Variants in MSRA observed in about 807,000 individuals in gnomAD.
MSRA encodes methionine sulfoxide reductase A, also known as mitochondrial peptide methionine sulfoxide reductase.
In MSRA, 54 loss-of-function variants were observed where a neutral mutation model predicts 31.3. The ratio of observed to expected loss-of-function variants is 1.73; its 90% CI spans 1.39 to 2.17. The LOEUF (loss-of-function observed/expected upper bound fraction) is 2.17, where lower values mean the gene tolerates loss of function less well. Among genes scored for constraint, MSRA ranks in the 30% most tolerant of loss-of-function variants. The pLI, the probability that MSRA is intolerant of heterozygous loss-of-function variation, is 0.00. For synonymous variants in MSRA, 169 were observed against 116.5 expected, an observed-to-expected ratio of 1.45 and a Z score of -2.90; for missense variants, 507 against 300.9, an observed-to-expected ratio of 1.69 and a Z score of -5.07.
At chr8:10,403,599 C>T (rs563495081) in intron 5 of MSRA, among the ~76,000 whole-genome samples, 1 of 152,382 alleles carries the variant, frequency 6.6e-6, no homozygotes, top group African/African-American at 2.4e-5. Flanking sequence ...TGGGGAAAAG[C>T]ATTCCCCAAC....
At chr8:10,130,957 G>C (rs1016725535) in intron 1 of MSRA, among the ~76,000 whole-genome samples, 1 of 152,172 alleles carries the variant, frequency 6.6e-6, no homozygotes, top group African/African-American at 2.4e-5. Context: ...AATCCTCAGT[G>C]TGCTTTTATT....
intron 1 of MSRA, among the ~76,000 whole-genome samples, chr8:10,075,030 C>T (rs1168769447): frequency 6.6e-6 from 1 of 152,204 alleles, no homozygotes; most frequent in Non-Finnish European, 1.5e-5. Flanking sequence ...ACCCTCCTTG[C>T]TTAGGAATTG....
intron 4 of MSRA, among the ~76,000 whole-genome samples, chr8:10,305,731 T>C (rs1801101011): frequency 6.6e-6 from 1 of 152,164 alleles, no homozygotes; most frequent in African/African-American, 2.4e-5. Flanking sequence ...TCTGCCATTT[T>C]GGAGGGAGCA....
intron 1 of MSRA, among the ~76,000 whole-genome samples, chr8:10,103,931 C>A (rs1180884121): frequency 6.6e-6 from 1 of 151,898 alleles, no homozygotes; most frequent in East Asian, 1.9e-4. Flanking sequence ...GCACATTTTT[C>A]TGGAATTACA....
At chr8:10,158,266 A>G (rs1050219085) in intron 1 of MSRA, among the ~76,000 whole-genome samples, 3 of 152,214 alleles carry the variant, frequency 2.0e-5, no homozygotes, top group African/African-American at 7.2e-5. Context: ...ACCGTAGCAA[A>G]TGGGTATGAA....
chr8:10,218,129 T>C (rs981693595), intron 2 of MSRA, among the ~76,000 whole-genome samples: 2 of 141,616 alleles, frequency 1.4e-5, no homozygotes, highest in Non-Finnish European at 3.0e-5. Context: ...TATTTATTTA[T>C]TTATTTATTT....
At position 10,065,316 on chromosome 8, in the gene MSRA, C is replaced by G. The variant is rs187736195; in HGVS notation, c.142+10658C>G. On this transcript the variant is annotated intron_variant, in intron 1 of 5. Transcript: ENST00000317173. ...CACCTGACACCAGGAGTAGAAACTT[C>G]ACCTGGTGGCCCATCCTCAGAATGT... 3.3e-5 allele frequency among the ~76,000 whole-genome samples: 5 copies of G among 152,322 alleles called. No individual in the cohort carries two copies. The East Asian group carries it at 9.6e-4, about 29-fold the overall frequency.
At chr8:10,419,010 GA>G (rs1041548156) in intron 5 of MSRA, among the ~76,000 whole-genome samples, 1 of 151,848 alleles carries the variant, frequency 6.6e-6, no homozygotes, top group African/African-American at 2.4e-5. Flanking sequence ...ACTAAGGCGG[GA>G]GGTGAATACA....
chr8:10,118,923 A>G (rs1800891410), intron 1 of MSRA, among the ~76,000 whole-genome samples: 2 of 152,286 alleles, frequency 1.3e-5, no homozygotes, highest in African/African-American at 4.8e-5. Flanking sequence ...TGGGAAGGCA[A>G]CAATTCTTGG....
intron 5 of MSRA, among the ~76,000 whole-genome samples, chr8:10,391,559 A>C (rs763921381): frequency 6.6e-6 from 1 of 152,260 alleles, no homozygotes; most frequent in African/African-American, 2.4e-5. Context: ...TGATGAACCC[A>C]AGAGGACTTG....
chr8:10,135,928 A>G (rs1802237986), intron 1 of MSRA, among the ~76,000 whole-genome samples: 1 of 152,144 alleles, frequency 6.6e-6, no homozygotes, highest in African/African-American at 2.4e-5. Context: ...TAATCACAGA[A>G]CTGAAGATCC....
At chr8:10,401,274 A>G (rs1334310748) in intron 5 of MSRA, among the ~76,000 whole-genome samples, 4 of 152,248 alleles carry the variant, frequency 2.6e-5, no homozygotes, top group Non-Finnish European at 4.4e-5. Context: ...TCCAAAGCAG[A>G]AATGCAAATG....
intron 1 of MSRA, among the ~76,000 whole-genome samples, chr8:10,135,922 C>T (rs1013039289): frequency 6.6e-6 from 1 of 152,284 alleles, no homozygotes; most frequent in East Asian, 1.9e-4. Flanking sequence ...ATCTAATAAT[C>T]ACAGAACTGA....
At chr8:10,311,472 T>TG (rs60834796) in intron 4 of MSRA, among the ~76,000 whole-genome samples, 37,506 of 151,832 alleles carry the variant, frequency 0.25, 4,940 homozygotes, top group East Asian at 0.34. Flanking sequence ...ACCCCACACC[T>TG]GGGGGGGCGC....
chr8:10,341,744 A>C (rs1321327069), intron 5 of MSRA, among the ~76,000 whole-genome samples: 1 of 152,156 alleles, frequency 6.6e-6, no homozygotes, highest in African/African-American at 2.4e-5. Flanking sequence ...TGATGGTGTG[A>C]CGTAAGTGAG....
chr8:10,401,836 T>C (rs1044932238), intron 5 of MSRA, among the ~76,000 whole-genome samples: 1 of 152,186 alleles, frequency 6.6e-6, no homozygotes, highest in Non-Finnish European at 1.5e-5. Context: ...ATTCCTCTTA[T>C]ATGAGGACCT....
At chr8:10,267,250 C>G (rs543090713) in intron 3 of MSRA, among the ~76,000 whole-genome samples, 46 of 152,328 alleles carry the variant, frequency 3.0e-4, no homozygotes, top group African/African-American at 1.1e-3. Flanking sequence ...CTATCCCAAA[C>G]AATGTGGAGC....
intron 1 of MSRA, among the ~76,000 whole-genome samples, chr8:10,062,510 T>C (rs1013834357): frequency 1.3e-5 from 2 of 152,196 alleles, no homozygotes; most frequent in African/African-American, 4.8e-5. Context: ...AAGCTGATGA[T>C]AAATACTTGT....
chr8:10,085,914 T>TA (rs1798537443), intron 1 of MSRA, among the ~76,000 whole-genome samples: 1 of 152,264 alleles, frequency 6.6e-6, no homozygotes, highest in Non-Finnish European at 1.5e-5. Flanking sequence ...TTGTTGCACT[T>TA]ACTAGTAATT....
Sources: gnomAD v4.1 joint callset for allele counts (sites outside exome capture counted in the v4.1 genomes callset) on GRCh38, gnomAD v4.1.1 for gene constraint, MANE v1.5 for transcripts, NCBI Gene and HGNC (gene_info 2026-07-23, HGNC 2026-07-21) for gene names.